SORCS2: variants seen among roughly 807,000 people sequenced by gnomAD.
SORCS2 encodes the protein sortilin related VPS10 domain containing receptor 2, also known as VPS10 domain-containing receptor SorCS2.
In SORCS2, 100 loss-of-function variants were observed where a neutral mutation model predicts 141.6. The ratio of observed to expected loss-of-function variants is 0.71; its 90% CI spans 0.60 to 0.83. The LOEUF is 0.83. SORCS2 is among the 40% of genes least tolerant of loss of function. The pLI is 0.00. For missense variants in SORCS2, 1,646 were observed against 1,560.2 expected (o/e 1.05, Z -0.93); for synonymous variants, 789 against 676.9 (o/e 1.17, Z -2.57).
At chr4:7,552,889 G>A (rs1263573269) in intron 3 of SORCS2, among the ~76,000 whole-genome samples, 1 of 152,220 alleles carries the variant, frequency 6.6e-6, no homozygotes, top group Non-Finnish European at 1.5e-5. Flanking sequence ...AAGTATAGTG[G>A]TGAGGAGAAT....
intron 1 of SORCS2, among the ~76,000 whole-genome samples, chr4:7,342,606 T>C (rs1720428098): frequency 6.6e-6 from 1 of 152,108 alleles, no homozygotes; most frequent in African/African-American, 2.4e-5. Context: ...TGCAGGGACC[T>C]TGGGGCCCGG....
At chr4:7,714,098 C>T (rs549394688) in intron 15 of SORCS2, 142 bp from the exon 16 acceptor site, 36 of 1,224,868 alleles carry the variant, frequency 2.9e-5, no homozygotes, top group East Asian at 5.1e-5. Context: ...AGACATGTCA[C>T]GCCCCATTAT....
rs751440655 is a variant in SORCS2 at position 7,434,009 on chromosome 4, C to T, written c.548+37654C>T. ...TTCATGCACACCTCACAGGTCACAC[C>T]GGCCTTCATCTGCATCTCGCTCTGT... On this transcript the variant is annotated intron_variant, in intron 2 of 26. Transcript: ENST00000507866. 33 of 1,612,248 alleles carry T rather than the reference C, an allele frequency of 2.0e-5. No individual in the cohort carries two copies. The highest frequency in any genetic ancestry group is 1.6e-4 in the Middle Eastern group (1 of 6,082).
intron 2 of SORCS2, among the ~76,000 whole-genome samples, chr4:7,463,641 G>A (rs1729442654): frequency 6.6e-6 from 1 of 152,170 alleles, no homozygotes; most frequent in African/African-American, 2.4e-5. Flanking sequence ...TAACTTTAGT[G>A]GAAAAATAAG....
chr4:7,470,240 TCCATCCTCCCATCCTC>T lies in SORCS2; in HGVS notation c.549-61274_549-61259del, dbSNP rs569215552. Among the ~76,000 whole-genome samples the T allele has an allele frequency of 3.5e-4, 53 of 150,880 alleles. No individual in the cohort carries two copies. In the South Asian group the frequency reaches 9.1e-3, roughly 26 times the overall value. ...TCCCATCCCTCGGTCCATCCACCCA[TCCATCCTCCCATCCTC>T]CCATCCTCCCATCCTGCCATCCTCC... On this transcript the variant is annotated intron_variant, in intron 2 of 26. Transcript: ENST00000507866.
intron 1 of SORCS2, among the ~76,000 whole-genome samples, chr4:7,261,310 C>A (rs1022687798): frequency 1.3e-5 from 2 of 152,192 alleles, no homozygotes; most frequent in African/African-American, 4.8e-5. Context: ...ACGGGTCTCC[C>A]AGAGCAGCCC....
intron 1 of SORCS2, among the ~76,000 whole-genome samples, chr4:7,284,493 C>T (rs941907702): frequency 2.6e-5 from 4 of 152,226 alleles, no homozygotes; most frequent in Admixed American, 1.3e-4. Context: ...AGGACTTTCT[C>T]GCTGTGCAGA....
intron 9 of SORCS2, among the ~76,000 whole-genome samples, chr4:7,677,258 G>T (rs1206459407): frequency 1.3e-5 from 2 of 152,162 alleles, no homozygotes; most frequent in African/African-American, 2.4e-5. Flanking sequence ...AACGCCCCGT[G>T]CATCGCACCA....
chr4:7,426,281 C>T (rs773297245), intron 2 of SORCS2, among the ~76,000 whole-genome samples: 7 of 117,856 alleles, frequency 5.9e-5, no homozygotes, highest in South Asian at 2.4e-4. Flanking sequence ...CATCGGATCC[C>T]GGGGCTGGTG....
chr4:7,468,129 A>G (rs886441020), intron 2 of SORCS2, among the ~76,000 whole-genome samples: 3 of 152,104 alleles, frequency 2.0e-5, no homozygotes, highest in Admixed American at 1.3e-4. Flanking sequence ...CTGCCCCTAC[A>G]TCACTCTGCC....
chr4:7,529,927 G>A (rs1324681856), intron 2 of SORCS2, among the ~76,000 whole-genome samples: 1 of 152,220 alleles, frequency 6.6e-6, no homozygotes, highest in Non-Finnish European at 1.5e-5. Context: ...GCCATCCTGG[G>A]GAGGGGCTGG....
chr4:7,203,520 A>G (rs1198844405), intron 1 of SORCS2, among the ~76,000 whole-genome samples: 2 of 145,936 alleles, frequency 1.4e-5, no homozygotes, highest in East Asian at 2.0e-4. Flanking sequence ...CTCTGCCTCA[A>G]AAAAAATTCT....
intron 1 of SORCS2, among the ~76,000 whole-genome samples, chr4:7,373,958 G>A (rs1389991278): frequency 3.3e-5 from 5 of 151,934 alleles, no homozygotes; most frequent in South Asian, 2.1e-4. Flanking sequence ...CTGCTTTTAT[G>A]CCTTATCTAA....
At chr4:7,389,969 C>T (rs553335357) in intron 1 of SORCS2, among the ~76,000 whole-genome samples, 43 of 152,200 alleles carry the variant, frequency 2.8e-4, no homozygotes, top group African/African-American at 1.0e-3. Flanking sequence ...CAAATGTGAG[C>T]GACGAAATGA....
chr4:7,541,962 C>T (rs1182457624), intron 3 of SORCS2, among the ~76,000 whole-genome samples: 2 of 152,180 alleles, frequency 1.3e-5, no homozygotes, highest in South Asian at 2.1e-4. Flanking sequence ...TGCTTCTGGC[C>T]CCCCAGCCAT....
At chr4:7,261,777 G>A (rs1159884743) in intron 1 of SORCS2, among the ~76,000 whole-genome samples, 1 of 152,240 alleles carries the variant, frequency 6.6e-6, no homozygotes, top group Non-Finnish European at 1.5e-5. Context: ...CCCTGCTGGT[G>A]AGAGAGCTCA....
At chr4:7,724,536 A>ATGG (rs1380502256) in intron 19 of SORCS2, among the ~76,000 whole-genome samples, 11 of 82,748 alleles carry the variant, frequency 1.3e-4, no homozygotes, top group South Asian at 9.1e-4. Context: ...GGTGGTGGTG[A>ATGG]TGGTGATAGT....
chr4:7,310,408 G>A (rs370283885), intron 1 of SORCS2: 40 of 154,420 alleles, frequency 2.6e-4, no homozygotes, highest in African/African-American at 9.1e-4. Flanking sequence ...ACATTGACCG[G>A]CTTTAAAAAT....
intron 1 of SORCS2, among the ~76,000 whole-genome samples, chr4:7,338,274 G>A (rs922695757): frequency 4.1e-5 from 6 of 147,158 alleles, no homozygotes; most frequent in East Asian, 4.0e-4. Flanking sequence ...CATGGATGTC[G>A]GTTGGATGGA....
Sources: gnomAD v4.1 joint callset for allele counts (sites outside exome capture counted in the v4.1 genomes callset) on GRCh38, gnomAD v4.1.1 for gene constraint, MANE v1.5 for transcripts, NCBI Gene and HGNC (gene_info 2026-07-23, HGNC 2026-07-21) for gene names.